Variants in NXPE2 observed in about 807,000 individuals in gnomAD.
NXPE2 encodes NXPE family member 2.
A neutral mutation model predicts 34.4 loss-of-function variants in NXPE2; 34 were observed. The observed-to-expected ratio is 0.99, with a 90% CI of 0.75 to 1.31. NXPE2 has a LOEUF of 1.31. Ranked by LOEUF, NXPE2 falls within the 40% of genes most tolerant of loss-of-function variation. The pLI is 0.00. For synonymous variants in NXPE2, 235 were observed against 231.3 expected, an observed-to-expected ratio of 1.02 and a Z score of -0.15; for missense variants, 649 against 672.5, an observed-to-expected ratio of 0.97 and a Z score of 0.39.
At chr11:114,629,691 G>T in the NXPE2 span, among the ~76,000 whole-genome samples, 2 of 150,174 alleles carry the variant, frequency 1.3e-5, no homozygotes, top group Admixed American at 1.3e-4. Flanking sequence ...TAGGAGAAGG[G>T]AATAAAGGGT....
At chr11:114,613,795 G>A in the NXPE2 span, among the ~76,000 whole-genome samples, 1 of 151,804 alleles carries the variant, frequency 6.6e-6, no homozygotes, top group African/African-American at 2.4e-5. Context: ...CAGTTAGCCG[G>A]TGGATAATAC....
chr11:114,582,335 G>A, the NXPE2 span: 13 of 1,599,612 alleles, frequency 8.1e-6, no homozygotes, highest in African/African-American at 2.7e-5. Context: ...AAACTTTCTT[G>A]TTCTTAGAAT....
the NXPE2 span, among the ~76,000 whole-genome samples, chr11:114,617,086 T>A: frequency 6.7e-6 from 1 of 149,822 alleles, no homozygotes; most frequent in Admixed American, 6.6e-5. Context: ...CAACTGTTAA[T>A]GCATGGATAA....
At chr11:114,636,332 C>A in the NXPE2 span, among the ~76,000 whole-genome samples, 584 of 151,782 alleles carry the variant, frequency 3.8e-3, 8 homozygotes, top group Non-Finnish European at 5.2e-3. Flanking sequence ...TTTTTTATTG[C>A]GTCTATTTGA....
the NXPE2 span, among the ~76,000 whole-genome samples, chr11:114,722,427 T>A: frequency 6.0e-3 from 915 of 152,070 alleles, 5 homozygotes; most frequent in African/African-American, 0.022. Flanking sequence ...TTTTTTTTTT[T>A]AAATAAATTA....
the NXPE2 span, among the ~76,000 whole-genome samples, chr11:114,665,418 A>G: frequency 6.6e-6 from 1 of 152,178 alleles, no homozygotes; most frequent in African/African-American, 2.4e-5. Context: ...ACCTGATTTC[A>G]ATCCCATTTT....
At chr11:114,765,669 T>G in the NXPE2 span, among the ~76,000 whole-genome samples, 5 of 152,212 alleles carry the variant, frequency 3.3e-5, no homozygotes, top group Non-Finnish European at 7.3e-5. Context: ...TATTGATCAT[T>G]CCCTCACTCT....
At chr11:114,785,305 G>T in the NXPE2 span, among the ~76,000 whole-genome samples, 1 of 152,062 alleles carries the variant, frequency 6.6e-6, no homozygotes, top group Non-Finnish European at 1.5e-5. Flanking sequence ...GAGGCCCAGA[G>T]GTCATGAGGC....
At chr11:114,469,913 C>T in the NXPE2 span, among the ~76,000 whole-genome samples, 24 of 152,128 alleles carry the variant, frequency 1.6e-4, no homozygotes, top group Non-Finnish European at 2.9e-4. Flanking sequence ...GAGTTTGCAT[C>T]TTCTAGAGTT....
chr11:114,502,107 ACTC>A, the NXPE2 span, among the ~76,000 whole-genome samples: 1 of 151,992 alleles, frequency 6.6e-6, no homozygotes, highest in Non-Finnish European at 1.5e-5. Context: ...GCCAGTTAGC[ACTC>A]CTCCTAACTG....
chr11:114,756,038 A>G, the NXPE2 span, among the ~76,000 whole-genome samples: 1 of 152,234 alleles, frequency 6.6e-6, no homozygotes, highest in Non-Finnish European at 1.5e-5. Flanking sequence ...ATTCCAGTAC[A>G]TCAGAGACAG....
the NXPE2 span, among the ~76,000 whole-genome samples, chr11:114,778,374 G>A: frequency 6.6e-6 from 1 of 152,168 alleles, no homozygotes; most frequent in Admixed American, 6.5e-5. Context: ...CAAGAATGAC[G>A]AGACAGCATC....
chr11:114,707,983 A>G (rs1951502843), downstream of NXPE2, among the ~76,000 whole-genome samples: 1 of 152,176 alleles, frequency 6.6e-6, no homozygotes, highest in Middle Eastern at 3.2e-3. Flanking sequence ...GGCTACTGTA[A>G]ATAGTGCTTC....
At chr11:114,476,891 A>C in the NXPE2 span, among the ~76,000 whole-genome samples, 2 of 152,182 alleles carry the variant, frequency 1.3e-5, no homozygotes, top group Non-Finnish European at 2.9e-5. Flanking sequence ...GTTGTGGAAG[A>C]GGTAATTGCT....
chr11:114,618,311 A>G, the NXPE2 span, among the ~76,000 whole-genome samples: 45 of 152,078 alleles, frequency 3.0e-4, no homozygotes, highest in African/African-American at 1.1e-3. Flanking sequence ...TATCTGTTGG[A>G]TAATAGGTAT....
the NXPE2 span, among the ~76,000 whole-genome samples, chr11:114,630,895 T>C: frequency 1.3e-5 from 2 of 151,698 alleles, no homozygotes; most frequent in Non-Finnish European, 2.9e-5. Context: ...AAAGAAGACA[T>C]TTATGCAGCC....
chr11:114,686,952 C>T (rs780328034), intron 2 of NXPE2, among the ~76,000 whole-genome samples: 1 of 151,904 alleles, frequency 6.6e-6, no homozygotes, highest in Admixed American at 6.6e-5. Flanking sequence ...CTACTGTTTA[C>T]TGGGACTATT....
the NXPE2 span, among the ~76,000 whole-genome samples, chr11:114,737,708 C>T: frequency 6.6e-6 from 1 of 152,112 alleles, no homozygotes; most frequent in Non-Finnish European, 1.5e-5. Flanking sequence ...AGGGGTTCTC[C>T]TCTTGAATCT....
At chr11:114,784,911 T>C in the NXPE2 span, among the ~76,000 whole-genome samples, 2 of 152,040 alleles carry the variant, frequency 1.3e-5, no homozygotes, top group African/African-American at 4.8e-5. Context: ...GTGGGGAAGA[T>C]TGAAACCTGC....
Sources: gnomAD v4.1 joint callset for allele counts (sites outside exome capture counted in the v4.1 genomes callset) on GRCh38, gnomAD v4.1.1 for gene constraint, MANE v1.5 for transcripts, NCBI Gene and HGNC (gene_info 2026-07-23, HGNC 2026-07-21) for gene names.